The following GPLD1 variants were observed in gnomAD, a reference collection of about 807,000 sequenced individuals.
The protein encoded by GPLD1 is phosphatidylinositol-glycan-specific phospholipase D.
In GPLD1, 84 loss-of-function variants were observed where a neutral mutation model predicts 112.6. That is an observed-to-expected ratio of 0.75 (90% confidence interval 0.63 to 0.89). The LOEUF is 0.89. GPLD1 is among the 40% of genes least tolerant of loss of function. The probability of loss-of-function intolerance (pLI) is 0.00; values close to 1 mark genes in which losing one functional copy is unlikely to be tolerated. For missense variants in GPLD1, 1,044 were observed against 1,051.5 expected (o/e 0.99, Z 0.10); for synonymous variants, 386 against 403.8 (o/e 0.96, Z 0.53).
intron 12 of GPLD1, among the ~76,000 whole-genome samples, chr6:24,457,806 G>A (rs1763314950): frequency 6.6e-6 from 1 of 151,904 alleles, no homozygotes; most frequent in Non-Finnish European, 1.5e-5. Context: ...CTGGGAGATG[G>A]AGGTTGCAGT....
At chr6:24,467,131 A>G (rs1432431965) in intron 8 of GPLD1, 36 bp downstream of exon 8, 2 of 1,286,544 alleles carry the variant, frequency 1.6e-6, no homozygotes, top group Middle Eastern at 1.9e-4. Context: ...AGTCACAACA[A>G]AATCAGCTGC....
intron 7 of GPLD1, among the ~76,000 whole-genome samples, chr6:24,471,061 G>T (rs931752199): frequency 6.6e-6 from 1 of 152,164 alleles, no homozygotes; most frequent in African/African-American, 2.4e-5. Flanking sequence ...AGAAAAAGAA[G>T]GACTAGTTAT....
chr6:24,480,473 C>T (rs761836817), intron 2 of GPLD1, among the ~76,000 whole-genome samples: 2 of 151,386 alleles, frequency 1.3e-5, no homozygotes. Context: ...CAGGCATGAG[C>T]CACCATACCT....
intron 24 of GPLD1, among the ~76,000 whole-genome samples, chr6:24,430,275 T>C (rs1561823831): frequency 1.3e-5 from 2 of 152,242 alleles, no homozygotes; most frequent in Non-Finnish European, 2.9e-5. Flanking sequence ...TCTAGTCATC[T>C]TTCCAGATGC....
Position 24,466,671 on chromosome 6 carries a change from T to C in GPLD1, c.821+9A>G. The C allele has an allele frequency of 6.2e-7, 1 of 1,607,892 alleles. No homozygotes were observed. The highest frequency in any genetic ancestry group is 8.5e-7 in the Non-Finnish European group (1 of 1,175,292). ...AGTGATTGGTAATAGAAATGCAATA[T>C]GAATTCACCTGGTCCCATTCTCCAA... is the stretch of plus-strand genomic sequence containing the variant. On this transcript the variant is annotated intron_variant, in intron 10 of 24. Coordinates refer to ENST00000230036, the MANE Select transcript of GPLD1 (RefSeq NM_001503.4).
chr6:24,494,995 C>T, exon 1 of GPLD1: 2 of 1,318,318 alleles, frequency 1.5e-6, no homozygotes, highest in South Asian at 2.6e-5. Flanking sequence ...GTTGCCCGGG[C>T]CATGGCGACC....
intron 2 of GPLD1, among the ~76,000 whole-genome samples, chr6:24,480,460 T>A (rs1197877299): frequency 6.6e-6 from 1 of 152,126 alleles, no homozygotes; most frequent in Non-Finnish European, 1.5e-5. Context: ...TGTGCTGGGA[T>A]TACAGGCATG....
At position 24,429,092 on chromosome 6, in the gene GPLD1, C is replaced by G; in HGVS notation, c.2463G>C (p.Arg821Ser). ...AKNQVVIAAG[R>S]SSLGARLSGA... ...CGGAGAGTCGGGCTCCCAAAGAACT[C>G]CTTCCAGCAGCAATGACGACTTGGT... is the stretch of plus-strand genomic sequence containing the variant. Residue 821 changes from arginine to serine, a missense_variant, in exon 25 of 25, where the codon AGG becomes AGC. Transcript: ENST00000230036. 1 of 1,613,606 alleles carries G rather than the reference C, an allele frequency of 6.2e-7. No individual in the cohort carries two copies. The highest frequency in any genetic ancestry group is 1.1e-5 in the South Asian group (1 of 91,022).
At chr6:24,495,126 C>A in exon 1 of GPLD1, 2 of 1,382,706 alleles carry the variant, frequency 1.4e-6, no homozygotes, top group South Asian at 3.4e-5. Flanking sequence ...CCCGGCCCAG[C>A]TCCGCTGCTA....
chr6:24,476,309 T>TC, intron 3 of GPLD1, 31 bp from the exon 4 acceptor site: 1 of 1,190,098 alleles, frequency 8.4e-7, no homozygotes, highest in African/African-American at 1.5e-5. Flanking sequence ...CTCTAGATTC[T>TC]CTCTTAAAAG....
intron 10 of GPLD1, among the ~76,000 whole-genome samples, chr6:24,465,045 A>C (rs981105179): frequency 6.6e-6 from 1 of 151,630 alleles, no homozygotes; most frequent in Non-Finnish European, 1.5e-5. Context: ...AAAAATACAA[A>C]AATTAGCCAG....
intron 2 of GPLD1, among the ~76,000 whole-genome samples, chr6:24,481,752 T>G (rs533253136): frequency 6.6e-6 from 1 of 152,184 alleles, no homozygotes; most frequent in South Asian, 2.1e-4. Context: ...CGTGGAGAGA[T>G]ATAGAAACCA....
At chr6:24,435,202 A>G (rs914812143) in intron 22 of GPLD1, among the ~76,000 whole-genome samples, 2 of 150,676 alleles carry the variant, frequency 1.3e-5, no homozygotes, top group Non-Finnish European at 3.0e-5. Context: ...TAGTAGGGAC[A>G]GGGTTTCACA....
intron 6 of GPLD1, 46 bp from the exon 7 acceptor site, chr6:24,472,682 CAT>C (rs1191062525): frequency 1.1e-5 from 11 of 978,330 alleles, no homozygotes; most frequent in Non-Finnish European, 1.7e-5. Context: ...TAGTGACAAA[CAT>C]AGCATGCATC....
chr6:24,428,421 T>C lies in GPLD1; in HGVS notation c.*611A>G, dbSNP rs1221087675. ...CCCTCTCATAGGCCCCAGTGTGTGT[T>C]GTTTCCCTCTATGTGTCCACGTGTT... On this transcript the variant is annotated 3_prime_UTR_variant, in exon 25 of 25. Coordinates refer to ENST00000230036, the MANE Select transcript of GPLD1 (RefSeq NM_001503.4). The C allele has an allele frequency of 6.6e-6, 1 of 152,134 alleles. No individual in the cohort carries two copies. The highest frequency in any genetic ancestry group is 1.5e-5 in the Non-Finnish European group (1 of 68,018). The allele number at this position is 152,134 out of a possible 1,614,324, so 9.4% of individuals were successfully genotyped here.
rs1762321557 is a variant in GPLD1, at chr6:24,429,004, G to A, written c.*28C>T. 3 of 1,471,520 alleles carry A rather than the reference G, an allele frequency of 2.0e-6. No individual in the cohort carries two copies. The highest frequency in any genetic ancestry group is 1.7e-4 in the Middle Eastern group (1 of 5,760). 91.2% of individuals were successfully genotyped at this position (1,471,520 alleles called of 1,614,324 possible). A position where few individuals can be genotyped will look rare whatever the true frequency, so the allele number is the denominator to read the frequency against. ...GATGTGATTCAGCATGAGAGAGGTG[G>A]GCAGAGTGGGGAAATGCAGTGAAAT... On this transcript the variant is annotated 3_prime_UTR_variant, in exon 25 of 25. Transcript: ENST00000230036.
At chr6:24,491,336 G>GA (rs1259578930), upstream of GPLD1, among the ~76,000 whole-genome samples, 1 of 151,964 alleles carries the variant, frequency 6.6e-6, no homozygotes, top group Non-Finnish European at 1.5e-5. Context: ...GGTTACAGGG[G>GA]AAAAAAATAC....
chr6:24,468,750 G>A (rs1763702587), intron 7 of GPLD1, among the ~76,000 whole-genome samples: 1 of 152,088 alleles, frequency 6.6e-6, no homozygotes, highest in Non-Finnish European at 1.5e-5. Flanking sequence ...GACTGAACCT[G>A]CGACCCTGGT....
At chr6:24,435,555 A>T (rs1376161107) in intron 22 of GPLD1, among the ~76,000 whole-genome samples, 1 of 152,088 alleles carries the variant, frequency 6.6e-6, no homozygotes, top group Non-Finnish European at 1.5e-5. Flanking sequence ...TTAAAAAATA[A>T]TTTTAAATTT....
Sources: gnomAD v4.1 joint callset for allele counts (sites outside exome capture counted in the v4.1 genomes callset) on GRCh38, gnomAD v4.1.1 for gene constraint, MANE v1.5 for transcripts, NCBI Gene and HGNC (gene_info 2026-07-23, HGNC 2026-07-21) for gene names.